The following GFRA1 variants were observed in gnomAD, a reference collection of about 807,000 sequenced individuals.
GFRA1 encodes GDNF family receptor alpha 1, also known as GDNF family receptor alpha-1.
GFRA1 carries 16 observed loss-of-function variants against 51.6 expected under a neutral mutation model. The observed-to-expected ratio is 0.31, with a 90% CI of 0.21 to 0.47. The LOEUF is 0.47. Ranked by LOEUF, GFRA1 falls within the 20% of genes least tolerant of loss-of-function variation. The pLI, the probability that GFRA1 is intolerant of heterozygous loss-of-function variation, is 1.00. For synonymous variants in GFRA1, 270 were observed against 241.3 expected (o/e 1.12, Z -1.10); for missense variants, 530 against 594.3 (o/e 0.89, Z 1.13).
At chr10:116,186,320 C>T (rs1037207303) in intron 5 of GFRA1, among the ~76,000 whole-genome samples, 4 of 152,146 alleles carry the variant, frequency 2.6e-5, no homozygotes, top group African/African-American at 7.2e-5. Flanking sequence ...TGTAACTCCC[C>T]GAAGCAACCT....
At chr10:116,076,750 C>T (rs149295540) in intron 9 of GFRA1, among the ~76,000 whole-genome samples, 2 of 152,158 alleles carry the variant, frequency 1.3e-5, no homozygotes, top group African/African-American at 4.8e-5. Context: ...TTTCAAGGGT[C>T]CTGGGACCTA....
intron 4 of GFRA1, among the ~76,000 whole-genome samples, chr10:116,242,171 A>C (rs1453538179): frequency 6.6e-6 from 1 of 152,174 alleles, no homozygotes; most frequent in Non-Finnish European, 1.5e-5. Context: ...GTTTAGACAC[A>C]GTCTGAAACC....
rs569020978 is a variant in GFRA1, at chr10:116,162,914, T to C, written c.434-37357A>G. Among the ~76,000 whole-genome samples the C allele has an allele frequency of 7.1e-4, 108 of 152,240 alleles. 1 individual carries two copies. The highest frequency in any genetic ancestry group is 7.8e-4 in the East Asian group (4 of 5,138). On this transcript the variant is annotated intron_variant, in intron 5 of 10. Coordinates refer to ENST00000355422, the MANE Select transcript of GFRA1 (RefSeq NM_005264.8). ...CACAAGGACAGATTTGGGCTTCCAG[T>C]CGCCTGTCTGAACATATACCTGCAT...
chr10:116,265,779 C>G (rs1258671670), intron 4 of GFRA1, among the ~76,000 whole-genome samples: 1 of 152,156 alleles, frequency 6.6e-6, no homozygotes, highest in Non-Finnish European at 1.5e-5. Flanking sequence ...TCTCCTCCGA[C>G]ATCCTCTTGC....
At chr10:116,238,813 T>A (rs1021950377) in intron 4 of GFRA1, among the ~76,000 whole-genome samples, 2 of 152,230 alleles carry the variant, frequency 1.3e-5, no homozygotes, top group African/African-American at 4.8e-5. Context: ...TCATTTTTTT[T>A]AAATGCTACA....
In GFRA1 at chr10:116,124,246, T is replaced by TTA. The variant is rs1565592571; in HGVS notation, c.770+974_770+975insTA. On this transcript the variant is annotated intron_variant, in intron 6 of 10. Transcript: ENST00000355422. ...TTCTTCTTCTTCTTCTTTTTTTTTT[T>TTA]AAGACAGATTTTCACTCTTGTCGCC... 2.3e-3 allele frequency among the ~76,000 whole-genome samples: 341 copies of TTA among 149,850 alleles called. 2 individuals are homozygous for TTA. The highest frequency in any genetic ancestry group is 7.7e-3 in the African/African-American group (311 of 40,638).
chr10:116,234,713 C>G (rs1373984941), intron 4 of GFRA1, among the ~76,000 whole-genome samples: 4 of 152,212 alleles, frequency 2.6e-5, no homozygotes, highest in African/African-American at 4.8e-5. Flanking sequence ...ACCTGTGCCA[C>G]TAATCTGGAG....
intron 5 of GFRA1, among the ~76,000 whole-genome samples, chr10:116,181,674 A>G (rs10749201): frequency 1 from 151,618 of 152,072 alleles, 75,585 homozygotes; most frequent in Middle Eastern, 1. Context: ...GTCTCACTGT[A>G]TCACCCAGGC....
intron 9 of GFRA1, among the ~76,000 whole-genome samples, chr10:116,072,540 T>C (rs534435685): frequency 6.6e-6 from 1 of 152,142 alleles, no homozygotes; most frequent in African/African-American, 2.4e-5. Context: ...GGTGGGTGGA[T>C]CATGAGGTCA....
chr10:116,085,241 G>A (rs549327374), intron 9 of GFRA1, among the ~76,000 whole-genome samples: 17 of 152,308 alleles, frequency 1.1e-4, no homozygotes, highest in African/African-American at 3.6e-4. Flanking sequence ...GCAGACTTTG[G>A]AAAATGTTTA....
In GFRA1 at chr10:116,102,663, C is replaced by T. The variant is rs537068558; in HGVS notation, c.771-5899G>A. 4.6e-5 allele frequency among the ~76,000 whole-genome samples: 7 copies of T among 152,296 alleles called. No homozygotes were observed. The South Asian group carries it at 1.5e-3, about 32-fold the overall frequency. On this transcript the variant is annotated intron_variant, in intron 6 of 10. Coordinates refer to ENST00000355422, the MANE Select transcript of GFRA1 (RefSeq NM_005264.8). ...AATGAGAACCAAGCAAAAGGGGTTT[C>T]CCCTTATGAAACCATCAGATCTCAT...
At chr10:116,108,922 C>T (rs1229703682) in intron 6 of GFRA1, among the ~76,000 whole-genome samples, 1 of 152,200 alleles carries the variant, frequency 6.6e-6, no homozygotes, top group Non-Finnish European at 1.5e-5. Flanking sequence ...AATCTGACTG[C>T]CATAGAGTAA....
At chr10:116,081,013 C>CCA (rs1264096237) in intron 9 of GFRA1, among the ~76,000 whole-genome samples, 1 of 152,252 alleles carries the variant, frequency 6.6e-6, no homozygotes. Context: ...GAAACCCCCC[C>CCA]AGACCTTGCC....
In GFRA1 at chr10:116,148,079, T is replaced by TGTGTGCATGG. The variant is rs1958902135; in HGVS notation, c.434-22523_434-22522insCCATGCACAC. 8.8e-4 allele frequency among the ~76,000 whole-genome samples: 59 copies of TGTGTGCATGG among 66,932 alleles called. 1 individual carries two copies. The South Asian group carries it at 0.03, about 34-fold the overall frequency. 43.9% of individuals were successfully genotyped at this position (66,932 alleles called of 152,430 possible). The stretch of plus-strand genomic sequence containing the variant: ...GCATGTGTGCATGCGTGTGTGCATG[T>TGTGTGCATGG]GTGTGTGTGCATGCGTGTGTGCATG... On this transcript the variant is annotated intron_variant, in intron 5 of 10. Transcript: ENST00000355422.
At chr10:116,081,502 T>A (rs143153345) in intron 9 of GFRA1, among the ~76,000 whole-genome samples, 67 of 152,296 alleles carry the variant, frequency 4.4e-4, no homozygotes, top group African/African-American at 1.6e-3. Flanking sequence ...TAGCCATTTA[T>A]AATGGGGGCA....
intron 5 of GFRA1, among the ~76,000 whole-genome samples, chr10:116,204,744 A>G (rs2134406258): frequency 6.6e-6 from 1 of 152,338 alleles, no homozygotes; most frequent in African/African-American, 2.4e-5. Context: ...ATAAATACCT[A>G]TGAGTTCATA....
Position 116,104,542 on chromosome 10 carries a change from T to G in GFRA1, c.771-7778A>C, listed in dbSNP as rs113386385. Among the ~76,000 whole-genome samples the G allele has an allele frequency of 1.6e-3, 247 of 152,310 alleles. 3 individuals are homozygous for G. The highest frequency in any genetic ancestry group is 5.7e-3 in the African/African-American group (235 of 41,578). Reference sequence around the variant, plus strand: ...CGATGCAGATGGAATCCCCCATTATTTCAGTCCCTGCGTCCTGCCTTGGGT... The same window carrying G: ...CGATGCAGATGGAATCCCCCATTATGTCAGTCCCTGCGTCCTGCCTTGGGT... On this transcript the variant is annotated intron_variant, in intron 6 of 10. Transcript: ENST00000355422.
intron 8 of GFRA1, among the ~76,000 whole-genome samples, chr10:116,091,649 T>C (rs1956340238): frequency 6.6e-6 from 1 of 152,220 alleles, no homozygotes; most frequent in South Asian, 2.1e-4. Flanking sequence ...GTTGTGTTCA[T>C]GAAAGGAGAA....
At chr10:116,075,192 T>C (rs1037479733) in intron 9 of GFRA1, among the ~76,000 whole-genome samples, 6 of 152,120 alleles carry the variant, frequency 3.9e-5, no homozygotes, top group African/African-American at 1.2e-4. Flanking sequence ...TCTAAGTCTT[T>C]CTCATTTTTT....
Sources: gnomAD v4.1 joint callset for allele counts (sites outside exome capture counted in the v4.1 genomes callset) on GRCh38, gnomAD v4.1.1 for gene constraint, MANE v1.5 for transcripts, NCBI Gene and HGNC (gene_info 2026-07-23, HGNC 2026-07-21) for gene names.